NKAPD1: variants seen among roughly 807,000 people sequenced by gnomAD.
NKAPD1 encodes the protein uncharacterized protein NKAPD1.
Under a neutral mutation model 30.9 loss-of-function variants are expected in NKAPD1, and 12 were observed. The observed-to-expected ratio is 0.39, with a 90% CI of 0.25 to 0.63. The LOEUF is 0.63. NKAPD1 is among the 20% of genes least tolerant of loss of function. The pLI, the probability that NKAPD1 is intolerant of heterozygous loss-of-function variation, is 0.51. For missense variants in NKAPD1, 311 were observed against 344.5 expected, an observed-to-expected ratio of 0.90 and a Z score of 0.77; for synonymous variants, 91 against 113.6, an observed-to-expected ratio of 0.80 and a Z score of 1.26.
chr11:112,080,354 A>T (rs940742332), intron 3 of NKAPD1, 55 bp from the exon 4 acceptor site: 4 of 1,590,588 alleles, frequency 2.5e-6, no homozygotes, highest in Non-Finnish European at 3.4e-6. Flanking sequence ...ATGTTCCATA[A>T]AGTAAACTCA....
In NKAPD1 at chr11:112,082,761, C is replaced by G. The variant is rs952507168; in HGVS notation, c.671C>G (p.Ala224Gly). 1 of 1,613,768 alleles carries G rather than the reference C, an allele frequency of 6.2e-7. No homozygotes were observed. Among genetic ancestry groups the G allele is most frequent in the African/African-American group, 1.3e-5 (1 of 74,930 alleles). The change falls in exon 6 of 6, where the codon GCA becomes GGA. Residue 224 changes from alanine to glycine, a missense_variant. Ala to Gly is a moderately conservative substitution (Grantham distance 60). Coordinates refer to ENST00000393047, the MANE Select transcript of NKAPD1 (RefSeq NM_018195.4). Reference sequence around the variant, plus strand: ...AAAAAACCTGCTTTATTCTTAGAGGCAGAAAGTAACACTTCACATTCAGAT... The same window carrying G: ...AAAAAACCTGCTTTATTCTTAGAGGGAGAAAGTAACACTTCACATTCAGAT... ...SLKKPALFLE[A>G]ESNTSHSDDS...
At chr11:112,078,625 C>T (rs1464506095) in intron 3 of NKAPD1, among the ~76,000 whole-genome samples, 1 of 152,204 alleles carries the variant, frequency 6.6e-6, no homozygotes, top group East Asian at 1.9e-4. Flanking sequence ...CTTGTGGTCA[C>T]TAAGCTGATC....
Position 112,078,278 on chromosome 11 carries a change from C to T in NKAPD1, c.133C>T (p.Arg45Trp), listed in dbSNP as rs374599807. 1.0e-4 allele frequency: 168 copies of T among 1,612,616 alleles called. No individual in the cohort carries two copies. Among genetic ancestry groups the T allele is most frequent in the Admixed American group, 2.2e-4 (13 of 59,956 alleles). ...ELEKQMEDAY[R>W]GTKRKMLPSS... ...GGAAAAACAGATGGAAGATGCTTAC[C>T]GGGGGACCAAAAGGAAAATGCTACC... Residue 45 changes from arginine (R) to tryptophan (W), a missense_variant, in exon 3 of 6, where the codon CGG becomes TGG. Physicochemically the swap from Arg to Trp is moderately radical, Grantham distance 101 (BLOSUM62 -3). Transcript: ENST00000393047.
In NKAPD1 at chr11:112,084,658, C is replaced by A. The variant is rs1346704383; in HGVS notation, c.*1686C>A. 2 of 152,508 alleles carry A rather than the reference C, an allele frequency of 1.3e-5. No individual in the cohort carries two copies. Among genetic ancestry groups the A allele is most frequent in the Non-Finnish European group, 2.9e-5 (2 of 68,040 alleles). The allele number at this position is 152,508 out of a possible 1,614,324, so 9.4% of individuals were successfully genotyped here. ...GCATTGTTTCTGTGCCCTGAAAGTA[C>A]CTGAAAGGTTTTAAGCACAGACTCA... On this transcript the variant is annotated 3_prime_UTR_variant, in exon 6 of 6. Transcript: ENST00000393047.
rs549129608 is a variant in NKAPD1 at position 112,074,597 on chromosome 11, G to A, written c.-328G>A. On this transcript the variant is annotated 5_prime_UTR_variant, in exon 1 of 6. Coordinates refer to ENST00000393047, the MANE Select transcript of NKAPD1 (RefSeq NM_018195.4). ...TTCTGGGGAGTGAAACTTACCCCCG[G>A]GGTTCGTCCTAGAGGAGCGTGAGCG... 2 of 398,220 alleles carry A rather than the reference G, an allele frequency of 5.0e-6. No homozygotes were observed. The highest frequency in any genetic ancestry group is 8.8e-5 in the Admixed American group (2 of 22,716). 24.7% of individuals were successfully genotyped at this position (398,220 alleles called of 1,614,324 possible). A position where few individuals can be genotyped will look rare whatever the true frequency, so the allele number is the denominator to read the frequency against.
intron 3 of NKAPD1, among the ~76,000 whole-genome samples, chr11:112,079,055 C>T (rs903495917): frequency 6.6e-6 from 1 of 151,754 alleles, no homozygotes; most frequent in African/African-American, 2.4e-5. Flanking sequence ...TACTTAAACT[C>T]TTTAGGAGCA....
intron 4 of NKAPD1, 107 bp from the exon 5 acceptor site, chr11:112,081,875 G>A: frequency 1.2e-6 from 1 of 839,972 alleles, no homozygotes; most frequent in Non-Finnish European, 2.0e-6. Flanking sequence ...TCTCTACTTT[G>A]TGTTTATGTT....
Position 112,082,654 on chromosome 11 carries a change from C to T in NKAPD1, c.564C>T (p.Phe188=), listed in dbSNP as rs1865481926. The change falls in exon 6 of 6, where the codon TTC becomes TTT. Residue 188 remains phenylalanine (F), a synonymous_variant. Coordinates refer to ENST00000393047, the MANE Select transcript of NKAPD1 (RefSeq NM_018195.4). The part of the protein sequence containing the change: ...TDITADSSSE[F]SEETGASGTR... Reference sequence around the variant, plus strand: ...TAACAGCAGATTCCTCGAGTGAGTTCTCAGAAGAAACTGGGGCTTCTGGTA... The same window carrying T: ...TAACAGCAGATTCCTCGAGTGAGTTTTCAGAAGAAACTGGGGCTTCTGGTA... The T allele has an allele frequency of 1.2e-6, 2 of 1,613,984 alleles. No individual in the cohort carries two copies. Among genetic ancestry groups the T allele is most frequent in the Non-Finnish European group, 1.7e-6 (2 of 1,180,004 alleles).
chr11:112,075,779 A>T (rs952960917), intron 2 of NKAPD1, 136 bp downstream of exon 2: 6 of 784,336 alleles, frequency 7.6e-6, no homozygotes, highest in African/African-American at 1.8e-5. Context: ...CACAGTAGGA[A>T]ATAAAATGAT....
At chr11:112,075,673 C>A in intron 2 of NKAPD1, 30 bp downstream of exon 2, 1 of 1,599,434 alleles carries the variant, frequency 6.3e-7, no homozygotes, top group Non-Finnish European at 8.5e-7. Context: ...TACTCCTCAA[C>A]GCTTACTGAA....
In NKAPD1 at chr11:112,079,811, T is replaced by C. The variant is rs1051481330; in HGVS notation, c.171-598T>C. 1.1e-4 allele frequency among the ~76,000 whole-genome samples: 16 copies of C among 152,064 alleles called. 1 individual carries two copies. In the South Asian group the frequency reaches 2.3e-3, roughly 22 times the overall value. ...ACTAATGGTCAGATTTTTTTCTTTT[T>C]TTCTTTTTTTTTTTTCCTGAGACGG... On this transcript the variant is annotated intron_variant, in intron 3 of 5. Coordinates refer to ENST00000393047, the MANE Select transcript of NKAPD1 (RefSeq NM_018195.4).
rs925306939 is a variant in NKAPD1, at chr11:112,083,048, T to C, written c.*76T>C. The C allele has an allele frequency of 1.8e-5, 26 of 1,484,144 alleles. No individual in the cohort carries two copies. Among genetic ancestry groups the C allele is most frequent in the Non-Finnish European group, 2.3e-5 (26 of 1,112,300 alleles). The allele number at this position is 1,484,144 out of a possible 1,614,324, so 91.9% of individuals were successfully genotyped here. Reference sequence around the variant, plus strand: ...CTCCTTGTGGTTTTGCCAGTGACTCTTGTTCAGCACGGGGCCTGAGGTCAG... The same window carrying C: ...CTCCTTGTGGTTTTGCCAGTGACTCCTGTTCAGCACGGGGCCTGAGGTCAG... On this transcript the variant is annotated 3_prime_UTR_variant, in exon 6 of 6. Coordinates refer to ENST00000393047, the MANE Select transcript of NKAPD1 (RefSeq NM_018195.4).
rs761473383 is a variant in NKAPD1 at position 112,075,607 on chromosome 11, G to A, written c.33G>A (p.Leu11=). 6.2e-7 allele frequency: 1 copy of A among 1,608,504 alleles called. No homozygotes were observed. The highest frequency in any genetic ancestry group is 8.5e-7 in the Non-Finnish European group (1 of 1,178,634). The change falls in exon 2 of 6, where the codon CTG becomes CTA. Residue 11 remains leucine, a synonymous_variant. Transcript: ENST00000393047. Reference sequence around the variant, plus strand: ...GGATTCCACTGGGGAAGGTCCTCCTGAGGAATGTCATCCGGCACACAGATG... The same window carrying A: ...GGATTCCACTGGGGAAGGTCCTCCTAAGGAATGTCATCCGGCACACAGATG... MSRIPLGKVL[L]RNVIRHTDAH...
Position 112,082,737 on chromosome 11 carries a change from A to G in NKAPD1, c.647A>G (p.Lys216Arg), listed in dbSNP as rs777733304. The change falls in exon 6 of 6, where the codon AAA (lysine) becomes AGA (arginine). Residue 216 changes from lysine to arginine, a missense_variant. Transcript: ENST00000393047. ...AAAAAATCCAGGAAAAAGTCTCTCAAAAAACCTGCTTTATTCTTAGAGGCA... is the reference window on the plus strand; with the variant it reads ...AAAAAATCCAGGAAAAAGTCTCTCAGAAAACCTGCTTTATTCTTAGAGGCA... The part of the protein sequence containing the change: ...RKKKSRKKSL[K>R]KPALFLEAES... 3 of 1,614,082 alleles carry G rather than the reference A, an allele frequency of 1.9e-6. No individual in the cohort carries two copies. Among genetic ancestry groups the G allele is most frequent in the Non-Finnish European group, 2.5e-6 (3 of 1,180,024 alleles).
chr11:112,083,923 G>A lies in NKAPD1; in HGVS notation c.*951G>A, dbSNP rs1592771827. On this transcript the variant is annotated 3_prime_UTR_variant, in exon 6 of 6. Coordinates refer to ENST00000393047, the MANE Select transcript of NKAPD1 (RefSeq NM_018195.4). ...GGACATATCCACTTCTTCCCAGTCT[G>A]CCTTTGGATTAAAGCACCAAGCAGA... 3 of 152,630 alleles carry A rather than the reference G, an allele frequency of 2.0e-5. No individual in the cohort carries two copies. Among genetic ancestry groups the A allele is most frequent in the South Asian group, 2.1e-4 (1 of 4,826 alleles). 9.5% of individuals were successfully genotyped at this position (152,630 alleles called of 1,614,324 possible). A position where few individuals can be genotyped will look rare whatever the true frequency, so the allele number is the denominator to read the frequency against.
In NKAPD1 at chr11:112,082,896, A is replaced by G; in HGVS notation, c.806A>G (p.Gln269Arg). Residue 269 changes from glutamine (Q) to arginine (R), a missense_variant, in exon 6 of 6, where the codon CAG becomes CGG. Gln to Arg is a conservative substitution (Grantham distance 43, BLOSUM62 1). Coordinates refer to ENST00000393047, the MANE Select transcript of NKAPD1 (RefSeq NM_018195.4). Reference sequence around the variant, plus strand: ...ACCTCTGTAGCCAACAATGAAATACAGGAGAGGACAAACAAACGCACAAAT... The same window carrying G: ...ACCTCTGTAGCCAACAATGAAATACGGGAGAGGACAAACAAACGCACAAAT... ...AHTSVANNEIQERTNKRTNWK... is the reference protein window; with the variant it reads ...AHTSVANNEIRERTNKRTNWK... 5 of 1,611,826 alleles carry G rather than the reference A, an allele frequency of 3.1e-6. No homozygotes were observed. The highest frequency in any genetic ancestry group is 4.2e-6 in the Non-Finnish European group (5 of 1,179,542).
chr11:112,080,552 C>T lies in NKAPD1; in HGVS notation c.314C>T (p.Pro105Leu). 2.5e-6 allele frequency: 4 copies of T among 1,613,274 alleles called. No individual in the cohort carries two copies. Among genetic ancestry groups the T allele is most frequent in the Non-Finnish European group, 3.4e-6 (4 of 1,179,884 alleles). The change falls in exon 4 of 6, where the codon CCA becomes CTA. Residue 105 changes from proline (P) to leucine (L), a missense_variant. Transcript: ENST00000393047. ...KKFYDYEANM[P>L]DRWGHSGYKE... ...TTCTATGATTATGAAGCAAACATGC[C>T]AGACAGGTTTGTGATTAATTCCTGT...
chr11:112,083,264 A>G lies in NKAPD1; in HGVS notation c.*292A>G, dbSNP rs1268585387. 1 of 225,278 alleles carries G rather than the reference A, an allele frequency of 4.4e-6. No homozygotes were observed. The allele number at this position is 225,278 out of a possible 1,614,324, so 14.0% of individuals were successfully genotyped here. ...ATACAGCAAATTAAAGGACCCAGAAAGCTGGATCCAATAGTGACCTGGGTA... is the reference window on the plus strand; with the variant it reads ...ATACAGCAAATTAAAGGACCCAGAAGGCTGGATCCAATAGTGACCTGGGTA... On this transcript the variant is annotated 3_prime_UTR_variant, in exon 6 of 6. Transcript: ENST00000393047.
Position 112,084,509 on chromosome 11 carries a change from A to T in NKAPD1, c.*1537A>T, listed in dbSNP as rs1257616741. ...GGTGTGTATTTTTATTTTTGGGATT[A>T]GTGGGGGTCTAAAGGGAGAAGAATA... is the stretch of plus-strand genomic sequence containing the variant. On this transcript the variant is annotated 3_prime_UTR_variant, in exon 6 of 6. Coordinates refer to ENST00000393047, the MANE Select transcript of NKAPD1 (RefSeq NM_018195.4). The T allele has an allele frequency of 6.6e-6, 1 of 152,564 alleles. No individual in the cohort carries two copies. The highest frequency in any genetic ancestry group is 1.5e-5 in the Non-Finnish European group (1 of 68,028). The allele number at this position is 152,564 out of a possible 1,614,324, so 9.5% of individuals were successfully genotyped here.
Sources: allele counts gnomAD v4.1 joint callset (sites outside exome capture counted in the v4.1 genomes callset), GRCh38; gene constraint gnomAD v4.1.1; transcripts MANE v1.5; gene names NCBI Gene and HGNC (gene_info 2026-07-23, HGNC 2026-07-21).